ARL10: variants seen among roughly 807,000 people sequenced by gnomAD.
ARL10 encodes ADP-ribosylation factor-like protein 10.
A neutral mutation model predicts 26.1 loss-of-function variants in ARL10; 23 were observed. The ratio of observed to expected loss-of-function variants is 0.88; its 90% CI spans 0.63 to 1.25. The LOEUF (loss-of-function observed/expected upper bound fraction) is 1.25, where lower values mean the gene tolerates loss of function less well. Among genes scored for constraint, ARL10 ranks in the 50% most tolerant of loss-of-function variants. The pLI is 0.00. For synonymous variants in ARL10, 138 were observed against 149.1 expected, an observed-to-expected ratio of 0.93 and a Z score of 0.54; for missense variants, 300 against 323.6, an observed-to-expected ratio of 0.93 and a Z score of 0.56.
intron 3 of ARL10, among the ~76,000 whole-genome samples, chr5:176,370,322 C>T (rs967883165): frequency 5.3e-5 from 8 of 152,202 alleles, no homozygotes; most frequent in East Asian, 1.9e-4. Flanking sequence ...GCCAGAGAGT[C>T]GCCTTGGGCC....
At chr5:176,406,843 G>A (rs1757147767), downstream of ARL10, 4 of 587,808 alleles carry the variant, frequency 6.8e-6, no homozygotes, top group Admixed American at 4.5e-5. Flanking sequence ...CTAAAGAGCT[G>A]GGGCTTTCCA....
chr5:176,409,637 A>G, the ARL10 span, among the ~76,000 whole-genome samples: 1 of 150,752 alleles, frequency 6.6e-6, no homozygotes, highest in African/African-American at 2.4e-5. Flanking sequence ...CTGGTCTTGA[A>G]CTCTGACCTC....
chr5:176,365,988 T>C (rs565532379), intron 1 of ARL10, among the ~76,000 whole-genome samples: 2 of 152,262 alleles, frequency 1.3e-5, no homozygotes, highest in Admixed American at 1.3e-4. Flanking sequence ...CTCCACGCCA[T>C]GAGGCTCGGG....
chr5:176,411,896 G>A, the ARL10 span, among the ~76,000 whole-genome samples: 1 of 152,038 alleles, frequency 6.6e-6, no homozygotes, highest in Non-Finnish European at 1.5e-5. Context: ...GCTTTTTTGG[G>A]CCGGGCGTGG....
rs1303517111 is a variant in ARL10 at position 176,379,417 on chromosome 5, C to T, written c.*7522C>T. 1 of 152,176 alleles carries T rather than the reference C, an allele frequency of 6.6e-6. No individual in the cohort carries two copies. The highest frequency in any genetic ancestry group is 6.5e-5 in the Admixed American group (1 of 15,276). 9.4% of individuals were successfully genotyped at this position (152,176 alleles called of 1,614,324 possible). A position where few individuals can be genotyped will look rare whatever the true frequency, so the allele number is the denominator to read the frequency against. On this transcript the variant is annotated 3_prime_UTR_variant, in exon 4 of 4. Transcript: ENST00000310389. ...CTCCTGACCTCAGGTGATCCACCCG[C>T]CTCGGCCTCCCAAAGTGCTGGGTCA...
chr5:176,385,077 T>G, downstream of ARL10: 1 of 677,326 alleles, frequency 1.5e-6, no homozygotes, highest in South Asian at 1.6e-5. Flanking sequence ...GTTAGATCCC[T>G]GTCAATGGGA....
In ARL10 at chr5:176,388,178, C is replaced by T. The variant is rs1367487420; in HGVS notation, c.37-117C>T. 6.1e-6 allele frequency: 8 copies of T among 1,311,858 alleles called. No homozygotes were observed. In the South Asian group the frequency reaches 8.6e-5, roughly 14 times the overall value. The allele number at this position is 1,311,858 out of a possible 1,614,324, so 81.3% of individuals were successfully genotyped here. On this transcript the variant is annotated intron_variant, in intron 1 of 1. Transcript: ENST00000503175. ...CAGTACCACGTTCTGACACCTAGGT[C>T]AGTATGGCGGGGGAAGAGTAAAGAA...
chr5:176,407,994 AC>A, the ARL10 span, among the ~76,000 whole-genome samples: 1 of 151,938 alleles, frequency 6.6e-6, no homozygotes, highest in Non-Finnish European at 1.5e-5. Context: ...ACAGCCAAAG[AC>A]CCCAGGATCA....
Position 176,375,227 on chromosome 5 carries a change from T to TCCACCCAC in ARL10, c.*3335_*3336insCCCACCCA, listed in dbSNP as rs1561775896. 9.1e-6 allele frequency: 1 copy of TCCACCCAC among 109,712 alleles called. No individual in the cohort carries two copies. The highest frequency in any genetic ancestry group is 1.9e-5 in the Non-Finnish European group (1 of 53,866). 6.8% of individuals were successfully genotyped at this position (109,712 alleles called of 1,614,324 possible). On this transcript the variant is annotated 3_prime_UTR_variant, in exon 4 of 4. Transcript: ENST00000310389. ...ATCCACTCATCCACCCATCCACCCATCCATCCATCCATCCATCCATCCTTC... is the reference window on the plus strand; with the variant it reads ...ATCCACTCATCCACCCATCCACCCATCCACCCACCCATCCATCCATCCATCCATCCTTC...
chr5:176,406,357 G>A, downstream of ARL10: 2 of 1,116,892 alleles, frequency 1.8e-6, no homozygotes, highest in Non-Finnish European at 2.2e-6. Context: ...TCTCCTGAGG[G>A]GCCCCTCTGC....
At chr5:176,383,834 C>T (rs6863122), downstream of ARL10, 63,572 of 716,390 alleles carry the variant, frequency 0.089, 3,331 homozygotes, top group African/African-American at 0.16. Flanking sequence ...AGCAAGTGAA[C>T]GTAGCACTTG....
At chr5:176,371,588 G>A in intron 3 of ARL10, 134 bp from the exon 4 acceptor site, 1 of 595,036 alleles carries the variant, frequency 1.7e-6, no homozygotes, top group Non-Finnish European at 3.0e-6. Flanking sequence ...GATATTCCCG[G>A]GGATAGCCTA....
intron 3 of ARL10, among the ~76,000 whole-genome samples, chr5:176,371,358 G>C (rs1768534582): frequency 6.6e-6 from 1 of 152,230 alleles, no homozygotes; most frequent in Non-Finnish European, 1.5e-5. Context: ...ACTCCAGCCT[G>C]GGTGACAGAG....
chr5:176,389,781 T>G, downstream of ARL10: 1 of 286,708 alleles, frequency 3.5e-6, no homozygotes, highest in African/African-American at 2.2e-5. Context: ...ATCCCCATGG[T>G]TTTTGGTCTT....
At chr5:176,412,761 T>C in the ARL10 span, among the ~76,000 whole-genome samples, 1 of 152,176 alleles carries the variant, frequency 6.6e-6, no homozygotes, top group African/African-American at 2.4e-5. Flanking sequence ...CTCCCATTCC[T>C]TCAGATAAGG....
the ARL10 span, among the ~76,000 whole-genome samples, chr5:176,411,931 C>CT: frequency 6.6e-6 from 1 of 152,020 alleles, no homozygotes; most frequent in Non-Finnish European, 1.5e-5. Flanking sequence ...AATCCCAGCA[C>CT]TTTGGGAGGC....
At chr5:176,371,670 A>C in intron 3 of ARL10, 52 bp from the exon 4 acceptor site, 1 of 1,502,144 alleles carries the variant, frequency 6.7e-7, no homozygotes, top group Non-Finnish European at 9.2e-7. Context: ...CAAGGGTGTC[A>C]GTGTGTTAGG....
chr5:176,388,573 C>T (rs575715231), exon 2 of ARL10: 5 of 1,567,362 alleles, frequency 3.2e-6, no homozygotes, highest in Non-Finnish European at 4.4e-6. Flanking sequence ...CTCAAACACG[C>T]TGCCTCTGTC....
chr5:176,384,977 C>G, downstream of ARL10: 2 of 575,224 alleles, frequency 3.5e-6, no homozygotes, highest in South Asian at 4.6e-5. Flanking sequence ...AAAAACAAAC[C>G]AAAAAACACC....
Sources: allele counts gnomAD v4.1 joint callset (sites outside exome capture counted in the v4.1 genomes callset), GRCh38; gene constraint gnomAD v4.1.1; transcripts MANE v1.5; gene names NCBI Gene and HGNC (gene_info 2026-07-23, HGNC 2026-07-21).